The following LRIG2 variants were observed in gnomAD, a reference collection of about 807,000 sequenced individuals.
The protein encoded by LRIG2 is leucine-rich repeats and immunoglobulin-like domains protein 2.
In LRIG2, 93 loss-of-function variants were observed where a neutral mutation model predicts 107.8. The observed-to-expected ratio is 0.86, with a 90% confidence interval of 0.73 to 1.03. The LOEUF (loss-of-function observed/expected upper bound fraction) is 1.03, where lower values mean the gene tolerates loss of function less well. LRIG2 is among the 50% of genes least tolerant of loss of function. LRIG2 has a pLI of 0.00. For synonymous variants in LRIG2, 471 were observed against 470.6 expected, an observed-to-expected ratio of 1.00 and a Z score of -0.01; for missense variants, 1,226 against 1,296.0, an observed-to-expected ratio of 0.95 and a Z score of 0.83.
At chr1:113,123,187 G>C (rs1214208763) in intron 17 of LRIG2, among the ~76,000 whole-genome samples, 1 of 152,200 alleles carries the variant, frequency 6.6e-6, no homozygotes, top group African/African-American at 2.4e-5. Flanking sequence ...TGGCTGCACT[G>C]AATCAATGAT....
intron 1 of LRIG2, among the ~76,000 whole-genome samples, chr1:113,075,500 T>C (rs1652933458): frequency 2.6e-5 from 4 of 152,164 alleles, no homozygotes; most frequent in South Asian, 2.1e-4. Flanking sequence ...TCTGGTTTTA[T>C]TGACCCAAAT....
chr1:113,114,752 C>T lies in LRIG2; in HGVS notation c.2406C>T (p.Gly802=). ...GTAGCATTGGGCATGAAGATGATGG[C>T]TGGACCACAGTTGGCATTGTCATCA... The part of the protein sequence containing the change: ...SQSSIGHEDD[G]WTTVGIVIIV... The change falls in exon 15 of 18, where the codon GGC becomes GGT. Residue 802 remains glycine, a synonymous_variant. Transcript: ENST00000361127. The T allele has an allele frequency of 1.2e-6, 2 of 1,614,144 alleles. No homozygotes were observed. The highest frequency in any genetic ancestry group is 1.7e-6 in the Non-Finnish European group (2 of 1,180,034).
chr1:113,089,326 G>C (rs956147641), intron 1 of LRIG2, among the ~76,000 whole-genome samples: 3 of 152,178 alleles, frequency 2.0e-5, no homozygotes, highest in Non-Finnish European at 4.4e-5. Context: ...GCATCAAGGT[G>C]AATTTTTAAA....
chr1:113,093,239 G>C lies in LRIG2; in HGVS notation c.339G>C (p.Pro113=). Reference sequence around the variant, plus strand: ...ATTACAATGAACTAACAGAAATCCCGTATTTTGGAGAACCTACATCTAATA... The same window carrying C: ...ATTACAATGAACTAACAGAAATCCCCTATTTTGGAGAACCTACATCTAATA... ...KMNYNELTEI[P]YFGEPTSNIT... is the part of the protein sequence containing the mutation. The change falls in exon 3 of 18, where the codon CCG becomes CCC. Residue 113 remains proline (P), a synonymous_variant. Transcript: ENST00000361127. 1.3e-6 allele frequency: 2 copies of C among 1,598,038 alleles called. No individual in the cohort carries two copies.
intron 13 of LRIG2, among the ~76,000 whole-genome samples, chr1:113,110,776 A>G (rs1277099425): frequency 6.6e-6 from 1 of 152,124 alleles, no homozygotes; most frequent in Non-Finnish European, 1.5e-5. Context: ...TTGAAGGGTA[A>G]GTGCTGTGGC....
chr1:113,088,226 A>G (rs1045375653), intron 1 of LRIG2, among the ~76,000 whole-genome samples: 22 of 152,184 alleles, frequency 1.4e-4, no homozygotes, highest in African/African-American at 5.1e-4. Flanking sequence ...GTTTGAAAGC[A>G]TATATCCTTT....
intron 1 of LRIG2, among the ~76,000 whole-genome samples, chr1:113,081,719 C>G (rs1309386698): frequency 2.0e-5 from 3 of 152,068 alleles, no homozygotes. Context: ...TGGGGTTTTA[C>G]CATGTTGGCC....
chr1:113,098,903 G>A (rs567658194), intron 9 of LRIG2, 118 bp downstream of exon 9: 5 of 659,844 alleles, frequency 7.6e-6, no homozygotes, highest in South Asian at 5.4e-5. Context: ...CTGACACTCT[G>A]GGAGCTCTGT....
At chr1:113,086,470 T>C (rs1653559831) in intron 1 of LRIG2, among the ~76,000 whole-genome samples, 1 of 152,222 alleles carries the variant, frequency 6.6e-6, no homozygotes, top group South Asian at 2.1e-4. Flanking sequence ...AGGGCCTCTT[T>C]GTCAGAAGTT....
chr1:113,075,115 G>A (rs1652910890), intron 1 of LRIG2, among the ~76,000 whole-genome samples: 1 of 152,020 alleles, frequency 6.6e-6, no homozygotes, highest in Non-Finnish European at 1.5e-5. Flanking sequence ...TACACCCTGA[G>A]GCAGGAGAAT....
At chr1:113,084,504 C>A (rs1022945141) in intron 1 of LRIG2, among the ~76,000 whole-genome samples, 1 of 152,078 alleles carries the variant, frequency 6.6e-6, no homozygotes, top group African/African-American at 2.4e-5. Flanking sequence ...CATGAGCCAC[C>A]GCGCCCGGCA....
rs1655660749 is a variant in LRIG2, at chr1:113,130,407, CTACT to C, written c.*6309_*6312del. ...AAAGAGATGTGTTAAAAGTCTTTAA[CTACT>C]TAAAGGGTCATCATGAAAAATAAGA... On this transcript the variant is annotated 3_prime_UTR_variant, in exon 18 of 18. Coordinates refer to ENST00000361127, the MANE Select transcript of LRIG2 (RefSeq NM_014813.3). 6.6e-6 allele frequency: 1 copy of C among 152,190 alleles called. No homozygotes were observed. Among genetic ancestry groups the C allele is most frequent in the East Asian group, 1.9e-4 (1 of 5,194 alleles). 9.4% of individuals were successfully genotyped at this position (152,190 alleles called of 1,614,324 possible). A position where few individuals can be genotyped will look rare whatever the true frequency, so the allele number is the denominator to read the frequency against.
At chr1:113,117,246 G>C (rs888896696) in intron 16 of LRIG2, among the ~76,000 whole-genome samples, 5 of 152,168 alleles carry the variant, frequency 3.3e-5, no homozygotes, top group Non-Finnish European at 7.4e-5. Flanking sequence ...CATGAAGCTA[G>C]TTACTTAAGA....
At chr1:113,081,891 TAGAA>T (rs780181036) in intron 1 of LRIG2, among the ~76,000 whole-genome samples, 4 of 152,220 alleles carry the variant, frequency 2.6e-5, no homozygotes, top group Non-Finnish European at 5.9e-5. Context: ...TCTCATGTAA[TAGAA>T]AGATTATCTT....
chr1:113,088,066 A>T (rs576579795), intron 1 of LRIG2, among the ~76,000 whole-genome samples: 2 of 152,340 alleles, frequency 1.3e-5, no homozygotes, highest in South Asian at 4.1e-4. Flanking sequence ...AGTTGTACTG[A>T]TGCTGATGTA....
chr1:113,082,414 TAAATC>T (rs1653329759), intron 1 of LRIG2, among the ~76,000 whole-genome samples: 1 of 152,192 alleles, frequency 6.6e-6, no homozygotes. Context: ...TATATACAAT[TAAATC>T]AGACTGGGTA....
intron 1 of LRIG2, among the ~76,000 whole-genome samples, 161 bp from the exon 2 acceptor site, chr1:113,091,157 C>G (rs1239495943): frequency 6.6e-6 from 1 of 152,144 alleles, no homozygotes; most frequent in Non-Finnish European, 1.5e-5. Flanking sequence ...CTTCTGACCT[C>G]AGGTGATCTG....
chr1:113,073,877 A>T (rs1570714145), intron 1 of LRIG2, among the ~76,000 whole-genome samples: 1 of 151,142 alleles, frequency 6.6e-6, no homozygotes, highest in East Asian at 2.0e-4. Flanking sequence ...TCTTGGGGCC[A>T]AGGAGTCTGT....
At chr1:113,106,772 T>G (rs1001322595) in intron 11 of LRIG2, among the ~76,000 whole-genome samples, 3 of 152,206 alleles carry the variant, frequency 2.0e-5, no homozygotes, top group Non-Finnish European at 4.4e-5. Context: ...CCCAAAGTGC[T>G]AGGATTACAG....
Sources: gnomAD v4.1 joint callset for allele counts (sites outside exome capture counted in the v4.1 genomes callset) on GRCh38, gnomAD v4.1.1 for gene constraint, MANE v1.5 for transcripts, NCBI Gene and HGNC (gene_info 2026-07-23, HGNC 2026-07-21) for gene names.